The following REEP5 variants were observed in gnomAD, a reference collection of about 807,000 sequenced individuals.
REEP5 encodes the protein receptor accessory protein 5.
REEP5 carries 24 observed loss-of-function variants against 22.4 expected under a neutral mutation model. The observed-to-expected ratio is 1.07, with a 90% CI of 0.78 to 1.51. The LOEUF (loss-of-function observed/expected upper bound fraction) is 1.51, where lower values mean the gene tolerates loss of function less well. Ranked by LOEUF, REEP5 falls within the 40% of genes most tolerant of loss-of-function variation. The pLI is 0.00. For synonymous variants in REEP5, 103 were observed against 88.6 expected (o/e 1.16, Z -0.92); for missense variants, 252 against 233.0 (o/e 1.08, Z -0.53).
At chr5:112,919,132 G>A (rs191692138) in intron 2 of REEP5, among the ~76,000 whole-genome samples, 2 of 152,288 alleles carry the variant, frequency 1.3e-5, no homozygotes, top group Admixed American at 1.3e-4. Flanking sequence ...GAGGTATGGA[G>A]AATAGTTAAA....
At chr5:112,879,819 C>T (rs1272388313) in intron 4 of REEP5, among the ~76,000 whole-genome samples, 1 of 152,014 alleles carries the variant, frequency 6.6e-6, no homozygotes, top group Non-Finnish European at 1.5e-5. Context: ...TGACTCATGC[C>T]TGTAATCGCA....
intron 2 of REEP5, among the ~76,000 whole-genome samples, chr5:112,908,532 A>ATT (rs779903886): frequency 6.8e-6 from 1 of 146,394 alleles, no homozygotes; most frequent in African/African-American, 2.5e-5. Context: ...ACAGCTAATA[A>ATT]TTTTTTTTTT....
chr5:112,901,541 T>C (rs145561723), intron 3 of REEP5, among the ~76,000 whole-genome samples: 1,728 of 152,020 alleles, frequency 0.011, 8 homozygotes, highest in Middle Eastern at 0.037. Context: ...AAACTCTTTC[T>C]CTACCAAAAA....
At chr5:112,904,165 AGAGAGCT>A (rs1768905320) in intron 2 of REEP5, among the ~76,000 whole-genome samples, 1 of 152,242 alleles carries the variant, frequency 6.6e-6, no homozygotes, top group South Asian at 2.1e-4. Flanking sequence ...AATGAATTTA[AGAGAGCT>A]GATTATTAAA....
chr5:112,913,662 T>A (rs1769169203), intron 2 of REEP5, among the ~76,000 whole-genome samples: 1 of 152,160 alleles, frequency 6.6e-6, no homozygotes, highest in Non-Finnish European at 1.5e-5. Flanking sequence ...GTGATCTCAT[T>A]TACCACTATC....
intron 2 of REEP5, among the ~76,000 whole-genome samples, chr5:112,920,670 C>T (rs1335384619): frequency 2.0e-5 from 3 of 152,040 alleles, no homozygotes; most frequent in African/African-American, 7.3e-5. Context: ...CCAAGTTTGT[C>T]TGTAACATGT....
chr5:112,919,332 G>A lies in REEP5; in HGVS notation c.212+1831C>T, dbSNP rs189411034. On this transcript the variant is annotated intron_variant, in intron 2 of 4. Coordinates refer to ENST00000379638, the MANE Select transcript of REEP5 (RefSeq NM_005669.5). ...GGAGGCTGAGACAGGTGGATCACCT[G>A]AGGTCAGGAGTTCAAGATCAGCCTG... is the stretch of plus-strand genomic sequence containing the variant. Among the ~76,000 whole-genome samples the A allele has an allele frequency of 5.7e-3, 864 of 152,298 alleles. 18 individuals are homozygous for A. Among genetic ancestry groups the A allele is most frequent in the Non-Finnish European group, 5.9e-3 (403 of 68,036 alleles).
At chr5:112,884,999 C>CA (rs1379399247) in intron 4 of REEP5, 1 of 152,188 alleles carries the variant, frequency 6.6e-6, no homozygotes, top group African/African-American at 2.4e-5. Context: ...GTGAATTAAT[C>CA]AGAGCTGAGA....
chr5:112,916,720 C>G (rs1413851495), intron 2 of REEP5, among the ~76,000 whole-genome samples: 2 of 152,048 alleles, frequency 1.3e-5, no homozygotes, highest in East Asian at 1.9e-4. Context: ...GGTAGCATAA[C>G]GTAATCATTA....
chr5:112,905,448 G>A (rs960486153), intron 2 of REEP5, among the ~76,000 whole-genome samples: 1 of 151,814 alleles, frequency 6.6e-6, no homozygotes, highest in Non-Finnish European at 1.5e-5. Context: ...GGCTGAGGCA[G>A]GAGACTCACT....
intron 4 of REEP5, 102 bp from the exon 5 acceptor site, chr5:112,878,937 T>C: frequency 6.4e-7 from 1 of 1,571,198 alleles, no homozygotes; most frequent in South Asian, 1.1e-5. Context: ...ATAACAAAAC[T>C]TGGATGACTC....
At chr5:112,901,158 A>G (rs1768834168) in intron 3 of REEP5, among the ~76,000 whole-genome samples, 1 of 152,156 alleles carries the variant, frequency 6.6e-6, no homozygotes, top group Non-Finnish European at 1.5e-5. Flanking sequence ...TTTCAAAAGA[A>G]AAACAACACA....
chr5:112,908,584 G>A lies in REEP5; in HGVS notation c.213-6066C>T, dbSNP rs568069339. On this transcript the variant is annotated intron_variant, in intron 2 of 4. Transcript: ENST00000379638. ...TCTGTTGCCCAGGCTGGAGTGCAGT[G>A]GCGCGATCTCGGCTTACTGCAAGCT... Among the ~76,000 whole-genome samples the A allele has an allele frequency of 1.1e-4, 16 of 151,938 alleles. No homozygotes were observed. In the Middle Eastern group the frequency reaches 0.01, roughly 97 times the overall value.
At chr5:112,906,368 C>T (rs1447369184) in intron 2 of REEP5, among the ~76,000 whole-genome samples, 3 of 152,184 alleles carry the variant, frequency 2.0e-5, no homozygotes, top group African/African-American at 7.2e-5. Flanking sequence ...ATTAAGAAAA[C>T]AGTTCAGTGG....
rs1465958896 is a variant in REEP5 at position 112,921,149 on chromosome 5, G to C, written c.212+14C>G. The C allele has an allele frequency of 1.2e-6, 2 of 1,612,888 alleles. No individual in the cohort carries two copies. The highest frequency in any genetic ancestry group is 2.2e-5 in the South Asian group (2 of 90,998). On this transcript the variant is annotated intron_variant, in intron 2 of 4. Coordinates refer to ENST00000379638, the MANE Select transcript of REEP5 (RefSeq NM_005669.5). Reference sequence around the variant, plus strand: ...GAGGAAGGGAAGGGGACGGCTGCAGGGTGTGTCACTTACGAGATGTAGGCT... The same window carrying C: ...GAGGAAGGGAAGGGGACGGCTGCAGCGTGTGTCACTTACGAGATGTAGGCT...
At position 112,919,401 on chromosome 5, in the gene REEP5, A is replaced by G. The variant is rs145323304; in HGVS notation, c.212+1762T>C. ...CATCTCTACTAAAAATACTAAAATT[A>G]CTCAGGCGTGGTGGCACACGCCTGT... On this transcript the variant is annotated intron_variant, in intron 2 of 4. Transcript: ENST00000379638. Among the ~76,000 whole-genome samples the G allele has an allele frequency of 3.3e-3, 495 of 149,704 alleles. 1 individual carries two copies. The highest frequency in any genetic ancestry group is 0.011 in the African/African-American group (442 of 40,504).
intron 4 of REEP5, among the ~76,000 whole-genome samples, chr5:112,879,951 T>C (rs1561645212): frequency 6.6e-6 from 1 of 151,594 alleles, no homozygotes; most frequent in Non-Finnish European, 1.5e-5. Flanking sequence ...TAAAAGCCCA[T>C]CTCTAGTTAA....
At chr5:112,894,290 T>A (rs1768607908) in intron 3 of REEP5, 1 of 152,214 alleles carries the variant, frequency 6.6e-6, no homozygotes, top group Non-Finnish European at 1.5e-5. Flanking sequence ...CAGCTAATTT[T>A]TTGTATTTTA....
intron 4 of REEP5, among the ~76,000 whole-genome samples, chr5:112,886,372 T>C (rs1014790822): frequency 1.3e-5 from 2 of 152,228 alleles, no homozygotes; most frequent in Middle Eastern, 3.2e-3. Context: ...ATATTTATTA[T>C]GTGAGGGTGA....
Sources: allele counts gnomAD v4.1 joint callset (sites outside exome capture counted in the v4.1 genomes callset), GRCh38; gene constraint gnomAD v4.1.1; transcripts MANE v1.5; gene names NCBI Gene and HGNC (gene_info 2026-07-23, HGNC 2026-07-21).